Variants in CFH observed in about 807,000 individuals in gnomAD.
The protein encoded by CFH is complement factor H.
CFH carries 53 observed loss-of-function variants against 147.3 expected under a neutral mutation model. The ratio of observed to expected loss-of-function variants is 0.36; its 90% CI spans 0.29 to 0.45. The LOEUF (loss-of-function observed/expected upper bound fraction) is 0.45, where lower values mean the gene tolerates loss of function less well. Ranked by LOEUF, CFH falls within the 20% of genes least tolerant of loss-of-function variation. The probability of loss-of-function intolerance (pLI) is 1.00; values close to 1 mark genes in which losing one functional copy is unlikely to be tolerated. For synonymous variants in CFH, 536 were observed against 489.4 expected (o/e 1.10, Z -1.26); for missense variants, 1,380 against 1,498.0 (o/e 0.92, Z 1.30).
chr1:196,731,172 T>A (rs184745744), intron 15 of CFH, among the ~76,000 whole-genome samples: 29 of 151,980 alleles, frequency 1.9e-4, no homozygotes, highest in Admixed American at 1.8e-3. Flanking sequence ...GCTTTATTCA[T>A]GGTTTGATGA....
chr1:196,704,535 G>A (rs1170692277), intron 9 of CFH, among the ~76,000 whole-genome samples: 1 of 152,208 alleles, frequency 6.6e-6, no homozygotes, highest in Non-Finnish European at 1.5e-5. Flanking sequence ...CCTTGAAAGT[G>A]CCTGCACCCC....
chr1:196,737,637 G>A lies in CFH; in HGVS notation c.2759G>A (p.Trp920Ter). 1 of 1,613,328 alleles carries A rather than the reference G, an allele frequency of 6.2e-7. No individual in the cohort carries two copies. The highest frequency in any genetic ancestry group is 8.5e-7 in the Non-Finnish European group (1 of 1,179,562). The change falls in exon 17 of 22, where the codon TGG (tryptophan) becomes TAG (stop). Residue 920 changes from tryptophan (W) to a stop codon, truncating the protein, a stop_gained. Coordinates refer to ENST00000367429, the MANE Select transcript of CFH (RefSeq NM_000186.4). LOFTEE classifies it high-confidence loss of function. ...ENETTCYMGKWSSPPQCEGLP... is the reference protein window; with the variant it reads ...ENETTCYMGK ...GAAACAACATGCTACATGGGAAAATGGAGTTCTCCACCTCAGTGTGAAGGT... is the reference window on the plus strand; with the variant it reads ...GAAACAACATGCTACATGGGAAAATAGAGTTCTCCACCTCAGTGTGAAGGT...
At chr1:196,721,601 G>T (rs992634858) in intron 11 of CFH, among the ~76,000 whole-genome samples, 3 of 151,838 alleles carry the variant, frequency 2.0e-5, no homozygotes, top group Non-Finnish European at 4.4e-5. Flanking sequence ...TAAGTATGAG[G>T]TTTCTTTGTT....
intron 13 of CFH, 28 bp from the exon 14 acceptor site, chr1:196,726,733 A>C (rs1300054946): frequency 6.2e-7 from 1 of 1,612,592 alleles, no homozygotes; most frequent in East Asian, 2.2e-5. Flanking sequence ...TGTTTTCACA[A>C]TAAACTTTTT....
intron 17 of CFH, among the ~76,000 whole-genome samples, chr1:196,738,317 C>T (rs1478257032): frequency 1.3e-5 from 2 of 152,170 alleles, no homozygotes; most frequent in Non-Finnish European, 2.9e-5. Context: ...CACAATCATG[C>T]CTTCCCAACA....
At chr1:196,675,420 C>G (rs1160653094) in intron 3 of CFH, among the ~76,000 whole-genome samples, 1 of 152,096 alleles carries the variant, frequency 6.6e-6, no homozygotes, top group Non-Finnish European at 1.5e-5. Flanking sequence ...ACACTAACAA[C>G]TTTTGGCTGG....
intron 1 of CFH, among the ~76,000 whole-genome samples, chr1:196,668,246 C>A: frequency 6.6e-6 from 1 of 152,034 alleles, no homozygotes; most frequent in East Asian, 1.9e-4. Flanking sequence ...ATAGTTGAGT[C>A]TGCTCTTGTT....
intron 11 of CFH, 50 bp from the exon 12 acceptor site, chr1:196,725,071 T>C (rs1422141284): frequency 6.7e-7 from 1 of 1,497,136 alleles, no homozygotes; most frequent in East Asian, 2.4e-5. Flanking sequence ...AAATTAACTT[T>C]GGCAATGATT....
intron 9 of CFH, among the ~76,000 whole-genome samples, chr1:196,707,153 A>T (rs1418058502): frequency 6.6e-6 from 1 of 152,134 alleles, no homozygotes; most frequent in African/African-American, 2.4e-5. Context: ...AAGATAAATC[A>T]TACTATATAA....
chr1:196,709,578 G>A (rs1375195884), intron 9 of CFH, among the ~76,000 whole-genome samples: 1 of 152,090 alleles, frequency 6.6e-6, no homozygotes, highest in Non-Finnish European at 1.5e-5. Context: ...GATTAAGGGG[G>A]AAAAATTCAA....
intron 1 of CFH, among the ~76,000 whole-genome samples, chr1:196,667,482 A>C (rs1176695611): frequency 6.6e-6 from 1 of 152,088 alleles, no homozygotes; most frequent in South Asian, 2.1e-4. Flanking sequence ...TAAAATTATC[A>C]TTTGCTTGAT....
chr1:196,693,699 C>CA, intron 9 of CFH, among the ~76,000 whole-genome samples: 1 of 152,198 alleles, frequency 6.6e-6, no homozygotes, highest in South Asian at 2.1e-4. Flanking sequence ...AGAAAGTATT[C>CA]AGGCTCTGGG....
chr1:196,694,987 G>A (rs1015444099), intron 9 of CFH, among the ~76,000 whole-genome samples: 5 of 152,156 alleles, frequency 3.3e-5, no homozygotes, highest in Admixed American at 2.0e-4. Flanking sequence ...TTCTTTTGCT[G>A]TGCAGAAGCT....
Position 196,714,842 on chromosome 1 carries a change from A to G in CFH, c.1520-751A>G, listed in dbSNP as rs1224064416. On this transcript the variant is annotated intron_variant, in intron 10 of 21. Coordinates refer to ENST00000367429, the MANE Select transcript of CFH (RefSeq NM_000186.4). ...CAGCCTCCTGAATAGCTGGGATTAC[A>G]GGCACCCTCCATCATGCCTGCCTAA... is the stretch of plus-strand genomic sequence containing the variant. 3.3e-5 allele frequency among the ~76,000 whole-genome samples: 5 copies of G among 150,496 alleles called. 1 individual carries two copies. Among genetic ancestry groups the G allele is most frequent in the Non-Finnish European group, 7.4e-5 (5 of 67,686 alleles).
chr1:196,695,939 C>T (rs1668249485), intron 9 of CFH, among the ~76,000 whole-genome samples: 1 of 152,044 alleles, frequency 6.6e-6, no homozygotes, highest in African/African-American at 2.4e-5. Flanking sequence ...ACCATCATGT[C>T]ATCTGCAAAA....
chr1:196,727,628 G>A (rs954097273), intron 14 of CFH, among the ~76,000 whole-genome samples: 31 of 152,048 alleles, frequency 2.0e-4, no homozygotes, highest in African/African-American at 6.8e-4. Context: ...GCACTGAGAA[G>A]CAAAGAAACA....
At chr1:196,676,433 G>A (rs1157688343) in intron 4 of CFH, among the ~76,000 whole-genome samples, 1 of 152,102 alleles carries the variant, frequency 6.6e-6, no homozygotes, top group African/African-American at 2.4e-5. Context: ...CAAATGCAGG[G>A]ATCTATGGTA....
intron 9 of CFH, among the ~76,000 whole-genome samples, chr1:196,692,893 CCCTCCCTCCCTT>C (rs1329503992): frequency 2.7e-5 from 2 of 74,174 alleles, no homozygotes; most frequent in African/African-American, 1.4e-4. Flanking sequence ...CTCCCTCCCT[CCCTCCCTCCCTT>C]CCTTCCTTCC....
chr1:196,705,631 G>A (rs1454952553), intron 9 of CFH, among the ~76,000 whole-genome samples: 1 of 152,150 alleles, frequency 6.6e-6, no homozygotes, highest in Non-Finnish European at 1.5e-5. Context: ...CCAAGACTTG[G>A]GGAATATCAT....
Sources: gnomAD v4.1 joint callset for allele counts (sites outside exome capture counted in the v4.1 genomes callset) on GRCh38, gnomAD v4.1.1 for gene constraint, MANE v1.5 for transcripts, NCBI Gene and HGNC (gene_info 2026-07-23, HGNC 2026-07-21) for gene names.